The following KAZN variants were observed in gnomAD, a reference collection of about 807,000 sequenced individuals.
KAZN encodes kazrin.
KAZN carries 40 observed loss-of-function variants against 87.4 expected under a neutral mutation model. That is an observed-to-expected ratio of 0.46 (90% CI 0.36 to 0.60). The LOEUF (loss-of-function observed/expected upper bound fraction) is 0.60, where lower values mean the gene tolerates loss of function less well. Among genes scored for constraint, KAZN ranks in the 20% least tolerant of loss-of-function variants. The pLI, the probability that KAZN is intolerant of heterozygous loss-of-function variation, is 0.00. For missense variants in KAZN, 898 were observed against 1,073.9 expected, an observed-to-expected ratio of 0.84 and a Z score of 2.29; for synonymous variants, 466 against 458.3, an observed-to-expected ratio of 1.02 and a Z score of -0.22.
chr1:14,384,807 G>T (rs1661720502), intron 2 of KAZN, among the ~76,000 whole-genome samples: 1 of 151,860 alleles, frequency 6.6e-6, no homozygotes, highest in African/African-American at 2.4e-5. Flanking sequence ...CCCGGCTTTG[G>T]TATCAGGATG....
At chr1:14,984,971 A>G (rs557817392) in intron 2 of KAZN, among the ~76,000 whole-genome samples, 3 of 152,016 alleles carry the variant, frequency 2.0e-5, no homozygotes, top group African/African-American at 7.2e-5. Flanking sequence ...CCTCGTCTCT[A>G]CTACAAATAC....
chr1:14,240,569 C>T (rs767228731), intron 2 of KAZN, among the ~76,000 whole-genome samples: 10 of 152,246 alleles, frequency 6.6e-5, no homozygotes, highest in Non-Finnish European at 1.5e-4. Context: ...GGTAACTGGG[C>T]TTCAGCAGCA....
chr1:13,935,933 TC>T (rs1479983637), intron 1 of KAZN, among the ~76,000 whole-genome samples: 2 of 150,706 alleles, frequency 1.3e-5, no homozygotes, highest in African/African-American at 4.9e-5. Context: ...TATATGTACA[TC>T]ATCAGAAAAC....
intron 2 of KAZN, among the ~76,000 whole-genome samples, chr1:14,581,821 A>C (rs1675568311): frequency 6.6e-6 from 1 of 152,080 alleles, no homozygotes; most frequent in Admixed American, 6.5e-5. Flanking sequence ...GTCTCTACTC[A>C]ATGTCACCTT....
At chr1:13,913,226 GT>G (rs1639718111) in intron 1 of KAZN, among the ~76,000 whole-genome samples, 1 of 152,208 alleles carries the variant, frequency 6.6e-6, no homozygotes, top group Non-Finnish European at 1.5e-5. Flanking sequence ...TCAGGAAGAA[GT>G]AGAGGATTTC....
chr1:14,927,520 A>G (rs1343885876), intron 1 of KAZN, among the ~76,000 whole-genome samples: 1 of 152,198 alleles, frequency 6.6e-6, no homozygotes, highest in African/African-American at 2.4e-5. Context: ...TAGGGTGGAC[A>G]GAGGAGCACG....
chr1:14,814,253 C>T (rs1315897202), intron 1 of KAZN, among the ~76,000 whole-genome samples: 2 of 152,094 alleles, frequency 1.3e-5, no homozygotes, highest in African/African-American at 4.8e-5. Context: ...TTGAGATGGA[C>T]TCTCACTCTG....
intron 1 of KAZN, among the ~76,000 whole-genome samples, chr1:14,883,299 A>G (rs1465505033): frequency 3.1e-4 from 16 of 51,696 alleles, no homozygotes; most frequent in African/African-American, 7.3e-4. Flanking sequence ...CCATCTCAAA[A>G]GAAAGAAAGA....
intron 1 of KAZN, among the ~76,000 whole-genome samples, chr1:14,002,279 G>T (rs915457603): frequency 3.9e-5 from 6 of 152,086 alleles, no homozygotes; most frequent in South Asian, 2.1e-4. Context: ...GATATGGTTT[G>T]GCTGTGTCCC....
rs147952778 is a variant in KAZN, at chr1:14,392,758, G to A, written c.250-206225G>A. Among the ~76,000 whole-genome samples the A allele has an allele frequency of 3.3e-5, 5 of 151,226 alleles. 1 individual carries two copies. The highest frequency in any genetic ancestry group is 1.2e-4 in the African/African-American group (5 of 41,360). ...CCTGGGCGGAGGCGGGTGTGGGGGT[G>A]GGGGGACAAAACTGCACTAGTTAAG... is the stretch of plus-strand genomic sequence containing the variant. On this transcript the variant is annotated intron_variant, in intron 2 of 16. Coordinates refer to the KAZN transcript ENST00000636203.
rs1464956459 is a variant in KAZN, at chr1:15,099,141, A to G, written c.1548-2402A>G. ...GGTGGGGTAGAGGACAGGCCCGGAG[A>G]CAAGGGGGTCCCAGTGGACCCAAGT... On this transcript the variant is annotated intron_variant, in intron 10 of 14. Transcript: ENST00000376030. The surrounding 1 kb of genome is among the most constrained non-coding windows in gnomAD (Gnocchi z 5.4). Among the ~76,000 whole-genome samples the G allele has an allele frequency of 6.6e-6, 1 of 152,130 alleles. No homozygotes were observed. Among genetic ancestry groups the G allele is most frequent in the Non-Finnish European group, 1.5e-5 (1 of 68,012 alleles).
chr1:14,109,821 G>GT (rs1362715754), intron 1 of KAZN, among the ~76,000 whole-genome samples: 50 of 80,714 alleles, frequency 6.2e-4, no homozygotes, highest in East Asian at 5.3e-3. Flanking sequence ...AACGATTTCA[G>GT]CGTCAAGTAG....
chr1:14,901,404 G>C (rs1234284484), intron 1 of KAZN, among the ~76,000 whole-genome samples: 2 of 145,024 alleles, frequency 1.4e-5, no homozygotes, highest in Non-Finnish European at 3.1e-5. Flanking sequence ...AGATGATGCT[G>C]TTTATGCCAC....
chr1:14,143,186 G>A (rs1645277126), intron 1 of KAZN, among the ~76,000 whole-genome samples: 1 of 152,158 alleles, frequency 6.6e-6, no homozygotes, highest in Admixed American at 6.5e-5. Flanking sequence ...AGAAAGCATT[G>A]TTGCTCAGGG....
At chr1:14,753,198 GTTTA>G (rs1007175077) in intron 1 of KAZN, among the ~76,000 whole-genome samples, 1 of 152,058 alleles carries the variant, frequency 6.6e-6, no homozygotes, top group Non-Finnish European at 1.5e-5. Context: ...AGCACCTCCT[GTTTA>G]TTTTTCAAAT....
At chr1:15,010,773 T>A (rs1029348866) in intron 2 of KAZN, among the ~76,000 whole-genome samples, 8 of 152,134 alleles carry the variant, frequency 5.3e-5, no homozygotes, top group Non-Finnish European at 7.4e-5. Flanking sequence ...GTGGCAGTGT[T>A]CTCTTCTCTC....
intron 2 of KAZN, among the ~76,000 whole-genome samples, chr1:14,432,353 T>C (rs1044956874): frequency 6.6e-6 from 1 of 152,118 alleles, no homozygotes; most frequent in Non-Finnish European, 1.5e-5. Context: ...AGAATATAAC[T>C]CAACAAGAAA....
At chr1:14,818,606 G>A (rs1646642800) in intron 1 of KAZN, among the ~76,000 whole-genome samples, 1 of 151,978 alleles carries the variant, frequency 6.6e-6, no homozygotes. Flanking sequence ...AAATGCAAAG[G>A]CAGGCTGCAC....
chr1:15,087,401 T>C (rs1368398793), intron 8 of KAZN, among the ~76,000 whole-genome samples: 2 of 149,270 alleles, frequency 1.3e-5, no homozygotes, highest in Admixed American at 6.7e-5. Flanking sequence ...ACTTTTTTCT[T>C]TTTTTTTTTT....
Sources: gnomAD v4.1 joint callset for allele counts (sites outside exome capture counted in the v4.1 genomes callset) on GRCh38, gnomAD v4.1.1 for gene constraint, Gnocchi (gnomAD v3.1) non-coding constraint, MANE v1.5 for transcripts, NCBI Gene and HGNC (gene_info 2026-07-23, HGNC 2026-07-21) for gene names.